Variants in ACYP2 observed in about 807,000 individuals in gnomAD.
ACYP2 encodes the protein acylphosphatase-2.
In ACYP2, 12 loss-of-function variants were observed where a neutral mutation model predicts 11.2. The ratio of observed to expected loss-of-function variants is 1.08; its 90% confidence interval spans 0.69 to 1.74. The LOEUF (loss-of-function observed/expected upper bound fraction) is 1.74. Among genes scored for constraint, ACYP2 ranks in the 40% most tolerant of loss-of-function variants. The pLI is 0.00. For synonymous variants in ACYP2, 43 were observed against 32.2 expected (o/e 1.33, Z -1.13); for missense variants, 134 against 101.9 (o/e 1.31, Z -1.35).
At chr2:54,188,960 C>T (rs570045753) in intron 6 of ACYP2, among the ~76,000 whole-genome samples, 5 of 152,222 alleles carry the variant, frequency 3.3e-5, no homozygotes, top group Admixed American at 2.0e-4. Context: ...CAAGGACTTT[C>T]TCCTGCACCT....
intron 6 of ACYP2, among the ~76,000 whole-genome samples, chr2:54,148,033 C>G (rs1681975241): frequency 6.6e-6 from 1 of 152,090 alleles, no homozygotes; most frequent in Non-Finnish European, 1.5e-5. Flanking sequence ...GGACCAATGT[C>G]TCTGTGGTTG....
chr2:54,187,452 G>A (rs1381233742), intron 6 of ACYP2, among the ~76,000 whole-genome samples: 1 of 152,192 alleles, frequency 6.6e-6, no homozygotes, highest in Admixed American at 6.5e-5. Flanking sequence ...TACGTCCAGG[G>A]ATTCACAGCT....
chr2:54,021,689 T>C (rs1674017484), intron 2 of ACYP2, among the ~76,000 whole-genome samples: 3 of 152,220 alleles, frequency 2.0e-5, no homozygotes, highest in Admixed American at 2.0e-4. Flanking sequence ...CTCTGCTTTC[T>C]TTTAAAATTG....
intron 6 of ACYP2, among the ~76,000 whole-genome samples, chr2:54,206,341 T>C (rs1166417100): frequency 6.6e-6 from 1 of 152,244 alleles, no homozygotes; most frequent in Non-Finnish European, 1.5e-5. Context: ...AGATCTGTTA[T>C]TTACCACCAT....
chr2:54,120,850 A>T (rs1169304862), intron 4 of ACYP2, among the ~76,000 whole-genome samples: 1 of 152,184 alleles, frequency 6.6e-6, no homozygotes, highest in Non-Finnish European at 1.5e-5. Flanking sequence ...GCAACCACAG[A>T]GCCCCAAGGT....
At chr2:53,985,519 T>C (rs1484712522) in intron 2 of ACYP2, among the ~76,000 whole-genome samples, 5 of 152,120 alleles carry the variant, frequency 3.3e-5, no homozygotes, top group East Asian at 1.9e-4. Context: ...CCAAAAGATA[T>C]CTACTTAAAT....
At chr2:53,971,944 C>A (rs555935351) in intron 1 of ACYP2, among the ~76,000 whole-genome samples, 59 of 152,334 alleles carry the variant, frequency 3.9e-4, no homozygotes, top group African/African-American at 1.4e-3. Flanking sequence ...GAATTCAGAG[C>A]TTTATCCTAG....
intron 3 of ACYP2, among the ~76,000 whole-genome samples, chr2:54,055,080 G>A (rs567299907): frequency 4.6e-5 from 7 of 151,818 alleles, no homozygotes; most frequent in Non-Finnish European, 7.4e-5. Context: ...TCTGTCAACC[G>A]GGCTAGAGTG....
intron 6 of ACYP2, among the ~76,000 whole-genome samples, chr2:54,214,066 G>A (rs1267048953): frequency 6.6e-6 from 1 of 151,942 alleles, no homozygotes; most frequent in Non-Finnish European, 1.5e-5. Context: ...AGCCATCTTT[G>A]CCCATTTTTT....
chr2:54,145,270 CATGAT>C (rs1256018367), intron 6 of ACYP2, among the ~76,000 whole-genome samples: 2 of 152,208 alleles, frequency 1.3e-5, no homozygotes, highest in East Asian at 3.9e-4. Flanking sequence ...TGATAAATGA[CATGAT>C]ATATTTTGGA....
At chr2:54,051,475 C>A in intron 3 of ACYP2, 1 of 692,622 alleles carries the variant, frequency 1.4e-6, no homozygotes, top group South Asian at 1.6e-5. Flanking sequence ...GTTTGAGGAT[C>A]CCAGTGCACC....
rs12613693 is a variant in ACYP2 at position 54,175,796 on chromosome 2, G to C, written c.404+37048G>C. On this transcript the variant is annotated intron_variant, in intron 6 of 6. Transcript: ENST00000607452. ...GTAATAGAAACCCTGAACTTGCGCT[G>C]TACACATGGTCCCTACTATGGTCTG... Among the ~76,000 whole-genome samples, 303 of 152,198 alleles carry C rather than the reference G, an allele frequency of 2.0e-3. 7 individuals carry two copies. The East Asian group carries it at 0.049, about 25-fold the overall frequency.
chr2:54,049,545 A>G (rs943797813), intron 2 of ACYP2, among the ~76,000 whole-genome samples: 3 of 152,124 alleles, frequency 2.0e-5, no homozygotes, highest in Non-Finnish European at 4.4e-5. Flanking sequence ...GCTTTAATGT[A>G]GGGTTTCTTT....
chr2:54,251,066 G>T (rs967846211), intron 6 of ACYP2, among the ~76,000 whole-genome samples: 5 of 152,152 alleles, frequency 3.3e-5, no homozygotes, highest in Non-Finnish European at 7.4e-5. Context: ...TTGGCTGGAA[G>T]ATAAAAAATG....
Position 54,170,297 on chromosome 2 carries a change from T to C in ACYP2, c.404+31549T>C, listed in dbSNP as rs1481636194. The stretch of plus-strand genomic sequence containing the variant: ...CCTCCCGAGTAGCTGGGATTACAGG[T>C]GTGTGTCACCATGCCTGGCTCATTT... On this transcript the variant is annotated intron_variant, in intron 6 of 6. Coordinates refer to ENST00000607452, the MANE Select transcript of ACYP2 (RefSeq NM_001320586.2). Among the ~76,000 whole-genome samples the C allele has an allele frequency of 2.6e-5, 4 of 152,022 alleles. No homozygotes were observed. The East Asian group carries it at 7.8e-4, about 30-fold the overall frequency.
intron 4 of ACYP2, among the ~76,000 whole-genome samples, chr2:54,101,284 T>G (rs1418449287): frequency 1.3e-5 from 2 of 152,228 alleles, no homozygotes; most frequent in East Asian, 3.8e-4. Flanking sequence ...AATTCTTTTT[T>G]TTTACTGTAA....
chr2:54,099,334 G>A (rs911706531), intron 4 of ACYP2, among the ~76,000 whole-genome samples: 1 of 152,104 alleles, frequency 6.6e-6, no homozygotes, highest in African/African-American at 2.4e-5. Context: ...TATACAACAT[G>A]TTGTTATTAA....
At chr2:54,111,125 TG>T (rs34155202) in intron 4 of ACYP2, among the ~76,000 whole-genome samples, 36,259 of 151,776 alleles carry the variant, frequency 0.24, 4,925 homozygotes, top group African/African-American at 0.37. Context: ...ATACAGAAGC[TG>T]GGATGGGGCA....
intron 6 of ACYP2, among the ~76,000 whole-genome samples, chr2:54,179,173 G>C (rs1402073325): frequency 7.5e-6 from 1 of 133,582 alleles, no homozygotes; most frequent in Admixed American, 9.3e-5. Flanking sequence ...AAAACTCAAA[G>C]TGCTTTCTAA....
Sources: allele counts gnomAD v4.1 joint callset (sites outside exome capture counted in the v4.1 genomes callset), GRCh38; gene constraint gnomAD v4.1.1; transcripts MANE v1.5; gene names NCBI Gene and HGNC (gene_info 2026-07-23, HGNC 2026-07-21).